Variants in PTER observed in about 807,000 individuals in gnomAD.
PTER encodes the protein phosphotriesterase related, also known as N-acetyltaurine hydrolase.
Under a neutral mutation model 29.6 loss-of-function variants are expected in PTER, and 38 were observed. The observed-to-expected ratio is 1.28, with a 90% confidence interval of 0.99 to 1.68. The LOEUF (loss-of-function observed/expected upper bound fraction) is 1.68. Ranked by LOEUF, PTER falls within the 40% of genes most tolerant of loss-of-function variation. PTER has a pLI of 0.00. For missense variants in PTER, 482 were observed against 427.8 expected, an observed-to-expected ratio of 1.13 and a Z score of -1.12; for synonymous variants, 172 against 154.5, an observed-to-expected ratio of 1.11 and a Z score of -0.84.
chr10:16,503,995 C>G (rs1407765092), intron 3 of PTER, among the ~76,000 whole-genome samples: 1 of 152,214 alleles, frequency 6.6e-6, no homozygotes, highest in Admixed American at 6.5e-5. Flanking sequence ...GTCCTTCATT[C>G]CTTTCATGCA....
intron 3 of PTER, among the ~76,000 whole-genome samples, chr10:16,492,930 C>T (rs150977985): frequency 6.8e-4 from 103 of 152,300 alleles, no homozygotes; most frequent in African/African-American, 2.4e-3. Flanking sequence ...TCTGATCATT[C>T]GTGCCAAATT....
chr10:16,483,249 G>C (rs985793974), intron 1 of PTER, among the ~76,000 whole-genome samples: 12 of 152,174 alleles, frequency 7.9e-5, no homozygotes, highest in African/African-American at 2.4e-4. Context: ...TTTAGAGATA[G>C]CCGATTTCAG....
At chr10:16,488,969 A>G (rs535597790) in intron 3 of PTER, among the ~76,000 whole-genome samples, 1 of 152,074 alleles carries the variant, frequency 6.6e-6, no homozygotes, top group Non-Finnish European at 1.5e-5. Context: ...TGTACCTTTC[A>G]TTGTTTCTGA....
At position 16,505,152 on chromosome 10, in the gene PTER, A is replaced by G; in HGVS notation, c.831A>G (p.Arg277=). The G allele has an allele frequency of 3.1e-6, 5 of 1,613,900 alleles. No individual in the cohort carries two copies. Among genetic ancestry groups the G allele is most frequent in the Non-Finnish European group, 4.2e-6 (5 of 1,179,880 alleles). ...PDIDMPDDNK[R]IRRVRLLVEE... ...TTGACATGCCTGATGATAACAAAAG[A>G]ATTAGAAGGTAAATATGGTAAAGCC... The change falls in exon 4 of 5, where the codon AGA becomes AGG. Residue 277 remains arginine, a synonymous_variant. Coordinates refer to ENST00000535784, the MANE Select transcript of PTER (RefSeq NM_001261836.2).
intron 1 of PTER, among the ~76,000 whole-genome samples, chr10:16,462,518 C>T (rs1005366226): frequency 6.7e-6 from 1 of 149,432 alleles, no homozygotes; most frequent in Admixed American, 6.7e-5. Flanking sequence ...GTTTTCTCGT[C>T]TTTGCAATTT....
intron 2 of PTER, among the ~76,000 whole-genome samples, chr10:16,485,539 C>T (rs1835662441): frequency 6.6e-6 from 1 of 152,144 alleles, no homozygotes. Flanking sequence ...GGTGTCAGCT[C>T]ATTCTTTGCA....
chr10:16,514,466 C>A (rs1836916857), downstream of PTER: 2 of 1,443,132 alleles, frequency 1.4e-6, no homozygotes, highest in South Asian at 2.6e-5. Context: ...CCTTGATTCA[C>A]TGACGTTAGC....
At chr10:16,502,889 T>TGAAGCAA (rs1266734683) in intron 3 of PTER, among the ~76,000 whole-genome samples, 2 of 146,744 alleles carry the variant, frequency 1.4e-5, no homozygotes, top group African/African-American at 2.5e-5. Context: ...CTCGGGAGGC[T>TGAAGCAA]GAAGCAAGAG....
intron 1 of PTER, among the ~76,000 whole-genome samples, chr10:16,440,791 G>A (rs1833823142): frequency 6.6e-6 from 1 of 152,226 alleles, no homozygotes; most frequent in East Asian, 1.9e-4. Context: ...AGACGTATTC[G>A]ATGAGCTAGA....
chr10:16,489,030 A>G (rs1346627315), intron 3 of PTER, among the ~76,000 whole-genome samples: 1 of 152,210 alleles, frequency 6.6e-6, no homozygotes, highest in African/African-American at 2.4e-5. Flanking sequence ...CATGTTATTT[A>G]TCATCTGTAT....
At chr10:16,507,422 G>T (rs10904759) in intron 4 of PTER, among the ~76,000 whole-genome samples, 64,575 of 151,210 alleles carry the variant, frequency 0.43, 14,796 homozygotes, top group East Asian at 0.64. Context: ...CAGAAAAGTG[G>T]TTGCCGTGGA....
chr10:16,501,378 C>G (rs951581072), intron 3 of PTER, among the ~76,000 whole-genome samples: 1 of 149,144 alleles, frequency 6.7e-6, no homozygotes, highest in African/African-American at 2.5e-5. Flanking sequence ...CATGCACACA[C>G]ACACACACAC....
intron 4 of PTER, among the ~76,000 whole-genome samples, chr10:16,507,245 G>T (rs891594719): frequency 6.7e-6 from 1 of 148,832 alleles, no homozygotes; most frequent in Non-Finnish European, 1.5e-5. Flanking sequence ...TACTGTATGT[G>T]TATGTGTATA....
At chr10:16,457,156 CAT>C (rs948006691) in intron 1 of PTER, among the ~76,000 whole-genome samples, 37 of 152,322 alleles carry the variant, frequency 2.4e-4, no homozygotes, top group South Asian at 6.2e-4. Context: ...ATTTCTGCCT[CAT>C]AGTCATTAAC....
At chr10:16,517,990 G>A (rs188706343), downstream of PTER, among the ~76,000 whole-genome samples, 36 of 152,174 alleles carry the variant, frequency 2.4e-4, 1 homozygote, top group Admixed American at 2.2e-3. Context: ...TCTCTTAGAG[G>A]GAACTGCATT....
At chr10:16,469,307 T>A (rs1300354580) in intron 1 of PTER, among the ~76,000 whole-genome samples, 1 of 152,148 alleles carries the variant, frequency 6.6e-6, no homozygotes, top group Non-Finnish European at 1.5e-5. Context: ...TAGGGTACTA[T>A]CAGGCTCTAT....
intron 1 of PTER, among the ~76,000 whole-genome samples, chr10:16,456,869 G>GGGC (rs1554787530): frequency 6.7e-6 from 1 of 149,144 alleles, no homozygotes; most frequent in African/African-American, 2.5e-5. Flanking sequence ...AGGTGGGGGG[G>GGGC]GGTTCCGCCA....
At chr10:16,499,744 G>T (rs1836261259) in intron 3 of PTER, among the ~76,000 whole-genome samples, 1 of 151,992 alleles carries the variant, frequency 6.6e-6, no homozygotes, top group Non-Finnish European at 1.5e-5. Flanking sequence ...GTCTGCAGCT[G>T]AATTCATTTC....
At chr10:16,452,039 T>C (rs1284717667) in intron 1 of PTER, among the ~76,000 whole-genome samples, 1 of 152,144 alleles carries the variant, frequency 6.6e-6, no homozygotes, top group Non-Finnish European at 1.5e-5. Flanking sequence ...TTTTTTACTT[T>C]AGCTCCATCC....
Sources: gnomAD v4.1 joint callset for allele counts (sites outside exome capture counted in the v4.1 genomes callset) on GRCh38, gnomAD v4.1.1 for gene constraint, MANE v1.5 for transcripts, NCBI Gene and HGNC (gene_info 2026-07-23, HGNC 2026-07-21) for gene names.